PRKCA: variants seen among roughly 807,000 people sequenced by gnomAD.
PRKCA encodes the protein protein kinase C alpha, also known as protein kinase C alpha type.
Under a neutral mutation model 87.0 loss-of-function variants are expected in PRKCA, and 27 were observed. The observed-to-expected ratio is 0.31, with a 90% CI of 0.23 to 0.43. PRKCA has a LOEUF of 0.43. Ranked by LOEUF, PRKCA falls within the 20% of genes least tolerant of loss-of-function variation. The probability of loss-of-function intolerance (pLI) is 1.00; values close to 1 mark genes in which losing one functional copy is unlikely to be tolerated. For missense variants in PRKCA, 518 were observed against 852.3 expected (o/e 0.61, Z 4.88); for synonymous variants, 329 against 311.1 (o/e 1.06, Z -0.61).
chr17:66,435,842 A>C (rs1489046786), intron 2 of PRKCA, among the ~76,000 whole-genome samples: 1 of 152,142 alleles, frequency 6.6e-6, no homozygotes, highest in East Asian at 1.9e-4. Context: ...AGTTAAGTGG[A>C]TGCAGGCATA....
chr17:66,511,540 A>G (rs901084374), intron 3 of PRKCA, among the ~76,000 whole-genome samples: 5 of 152,310 alleles, frequency 3.3e-5, no homozygotes, highest in African/African-American at 9.6e-5. Flanking sequence ...GTGTAAAACT[A>G]GACGGGGAAG....
At chr17:66,325,092 A>G (rs1176162635) in intron 2 of PRKCA, among the ~76,000 whole-genome samples, 1 of 152,228 alleles carries the variant, frequency 6.6e-6, no homozygotes, top group Non-Finnish European at 1.5e-5. Flanking sequence ...GCATCTCAGA[A>G]AAACAACTAT....
intron 2 of PRKCA, among the ~76,000 whole-genome samples, chr17:66,471,506 A>T (rs1263441284): frequency 6.6e-6 from 1 of 152,236 alleles, no homozygotes; most frequent in Non-Finnish European, 1.5e-5. Flanking sequence ...TAGACAGTAT[A>T]GTCCACAAGG....
chr17:66,509,568 A>G (rs1044465871), intron 3 of PRKCA, among the ~76,000 whole-genome samples: 1 of 152,200 alleles, frequency 6.6e-6, no homozygotes, highest in Non-Finnish European at 1.5e-5. Context: ...GATGAGATCC[A>G]CCTGCACTAG....
chr17:66,617,017 G>T (rs1036982163), intron 3 of PRKCA, among the ~76,000 whole-genome samples: 1 of 152,000 alleles, frequency 6.6e-6, no homozygotes, highest in Non-Finnish European at 1.5e-5. Flanking sequence ...TAAGTTCCTC[G>T]TTTATAATTC....
chr17:66,755,127 A>G (rs1289850158), intron 13 of PRKCA, among the ~76,000 whole-genome samples: 1 of 152,164 alleles, frequency 6.6e-6, no homozygotes, highest in Non-Finnish European at 1.5e-5. Context: ...ATTCATCCCA[A>G]ACAAGAGCTT....
At position 66,302,886 on chromosome 17, in the gene PRKCA, C is replaced by CGTCTCAGGACGT. The variant is rs1567761633; in HGVS notation, c.37_48dup (p.Ser13_Val16dup). 1 of 1,603,574 alleles carries CGTCTCAGGACGT rather than the reference C, an allele frequency of 6.2e-7. No homozygotes were observed. The highest frequency in any genetic ancestry group is 1.7e-5 in the Admixed American group (1 of 59,498). On this transcript the variant is annotated inframe_insertion, in exon 1 of 17. Transcript: ENST00000413366. ...GTTTTCCCGGGCAACGACTCCACGG[C>CGTCTCAGGACGT]GTCTCAGGACGTGGCCAACCGCTTC... is the stretch of plus-strand genomic sequence containing the variant.
chr17:66,304,501 C>G (rs1015725583), intron 1 of PRKCA, among the ~76,000 whole-genome samples: 4 of 152,070 alleles, frequency 2.6e-5, no homozygotes, highest in Non-Finnish European at 5.9e-5. Context: ...TCCTTCTAGG[C>G]CAGGGGGAGC....
chr17:66,799,607 G>A (rs1275984478), intron 16 of PRKCA, among the ~76,000 whole-genome samples: 4 of 50,124 alleles, frequency 8.0e-5, no homozygotes, highest in South Asian at 9.2e-4. Flanking sequence ...GATGGTGGTG[G>A]TGGTGGTGGT....
intron 2 of PRKCA, among the ~76,000 whole-genome samples, chr17:66,494,505 C>A (rs1318626751): frequency 6.6e-6 from 1 of 152,116 alleles, no homozygotes; most frequent in Non-Finnish European, 1.5e-5. Flanking sequence ...ATTAATTCTA[C>A]CCCTGAGGGC....
At chr17:66,777,920 C>T in intron 14 of PRKCA, 1 of 985,390 alleles carries the variant, frequency 1.0e-6, no homozygotes, top group South Asian at 4.7e-5. Flanking sequence ...TTCCTGGGAT[C>T]TCATTCACTA....
At chr17:66,352,827 G>T (rs1229574762) in intron 2 of PRKCA, among the ~76,000 whole-genome samples, 4 of 152,014 alleles carry the variant, frequency 2.6e-5, no homozygotes, top group Admixed American at 2.6e-4. Context: ...CTTCCAAAGT[G>T]CTGGGATTAC....
At chr17:66,683,692 T>C (rs1374500264) in intron 5 of PRKCA, among the ~76,000 whole-genome samples, 1 of 152,128 alleles carries the variant, frequency 6.6e-6, no homozygotes, top group Non-Finnish European at 1.5e-5. Context: ...CTCCGCCTCC[T>C]GGGTTCAAGC....
intron 2 of PRKCA, among the ~76,000 whole-genome samples, chr17:66,322,798 A>G (rs533102753): frequency 2.6e-5 from 4 of 152,072 alleles, no homozygotes; most frequent in Non-Finnish European, 4.4e-5. Flanking sequence ...AGGGAGTAAC[A>G]TTGGATCATA....
intron 3 of PRKCA, among the ~76,000 whole-genome samples, chr17:66,500,161 G>A (rs1312176997): frequency 6.6e-6 from 1 of 152,130 alleles, no homozygotes; most frequent in African/African-American, 2.4e-5. Context: ...AGGAAGCAGA[G>A]CCCAGCTGGT....
intron 5 of PRKCA, among the ~76,000 whole-genome samples, chr17:66,663,184 G>A (rs1971953842): frequency 6.6e-6 from 1 of 152,196 alleles, no homozygotes; most frequent in Non-Finnish European, 1.5e-5. Flanking sequence ...ACAGCTTCCT[G>A]CTCCTCTCCA....
chr17:66,785,695 G>GC (rs938845212), intron 14 of PRKCA, among the ~76,000 whole-genome samples: 5 of 152,188 alleles, frequency 3.3e-5, no homozygotes, highest in Non-Finnish European at 7.3e-5. Flanking sequence ...GGTGCTCAAG[G>GC]CCCCTCCCAA....
intron 2 of PRKCA, among the ~76,000 whole-genome samples, chr17:66,347,681 G>A (rs1907473382): frequency 6.6e-6 from 1 of 152,140 alleles, no homozygotes; most frequent in Admixed American, 6.5e-5. Flanking sequence ...TCATCAAAGA[G>A]CCTTTAAGTA....
intron 2 of PRKCA, among the ~76,000 whole-genome samples, chr17:66,434,729 A>G (rs6504432): frequency 0.84 from 127,835 of 152,068 alleles, 54,652 homozygotes; most frequent in South Asian, 0.96. Flanking sequence ...TGTTAGCTGC[A>G]TGGCCTAGAC....
Sources: gnomAD v4.1 joint callset for allele counts (sites outside exome capture counted in the v4.1 genomes callset) on GRCh38, gnomAD v4.1.1 for gene constraint, MANE v1.5 for transcripts, NCBI Gene and HGNC (gene_info 2026-07-23, HGNC 2026-07-21) for gene names.